ATF6: variants seen among roughly 807,000 people sequenced by gnomAD.
ATF6 encodes the protein activating transcription factor 6.
In ATF6, 53 loss-of-function variants were observed where a neutral mutation model predicts 83.6. The ratio of observed to expected loss-of-function variants is 0.63; its 90% CI spans 0.51 to 0.80. ATF6 has a LOEUF of 0.80. Among genes scored for constraint, ATF6 ranks in the 30% least tolerant of loss-of-function variants. ATF6 has a pLI of 0.00. For missense variants in ATF6, 744 were observed against 797.9 expected (o/e 0.93, Z 0.81); for synonymous variants, 288 against 285.8 (o/e 1.01, Z -0.08).
intron 9 of ATF6, among the ~76,000 whole-genome samples, chr1:161,825,976 T>A (rs1171588632): frequency 2.6e-5 from 4 of 152,146 alleles, no homozygotes; most frequent in Non-Finnish European, 5.9e-5. Flanking sequence ...CAAAAGATGC[T>A]CTTCTTACCC....
intron 15 of ATF6, among the ~76,000 whole-genome samples, chr1:161,938,854 C>T (rs1055036281): frequency 3.3e-5 from 5 of 152,178 alleles, no homozygotes; most frequent in Non-Finnish European, 7.4e-5. Flanking sequence ...TAAAACTTTT[C>T]ATTGCAGTGG....
At chr1:161,944,179 A>C (rs1688705107) in intron 15 of ATF6, among the ~76,000 whole-genome samples, 1 of 152,220 alleles carries the variant, frequency 6.6e-6, no homozygotes, top group African/African-American at 2.4e-5. Context: ...TTGTAAGTTA[A>C]GTTCTGAAAT....
chr1:161,779,113 G>C (rs759123421), intron 2 of ATF6, among the ~76,000 whole-genome samples: 4 of 152,170 alleles, frequency 2.6e-5, no homozygotes. Flanking sequence ...TGAAGGACAT[G>C]ATATATTTTA....
At chr1:161,868,727 G>A (rs1687063527) in intron 14 of ATF6, among the ~76,000 whole-genome samples, 3 of 151,016 alleles carry the variant, frequency 2.0e-5, no homozygotes, top group Admixed American at 2.0e-4. Context: ...AATATAAGCT[G>A]TGCTGAATGC....
intron 14 of ATF6, among the ~76,000 whole-genome samples, chr1:161,911,716 C>G (rs1351634582): frequency 6.6e-6 from 1 of 152,182 alleles, no homozygotes; most frequent in African/African-American, 2.4e-5. Flanking sequence ...TAGGCCTTGG[C>G]CCTGCTTCAG....
At chr1:161,809,670 A>C (rs1685404441) in intron 7 of ATF6, among the ~76,000 whole-genome samples, 1 of 152,322 alleles carries the variant, frequency 6.6e-6, no homozygotes, top group African/African-American at 2.4e-5. Flanking sequence ...ACAGTGTAAA[A>C]GTGTTCCTGT....
chr1:161,853,406 G>A (rs551744811), intron 12 of ATF6, 83 bp downstream of exon 12: 1 of 1,060,652 alleles, frequency 9.4e-7, no homozygotes, highest in African/African-American at 1.7e-5. Context: ...TTCCCTAGAA[G>A]GTTGGTAAAC....
intron 14 of ATF6, among the ~76,000 whole-genome samples, chr1:161,879,604 A>G (rs1176226191): frequency 2.6e-5 from 4 of 152,096 alleles, no homozygotes; most frequent in Non-Finnish European, 5.9e-5. Context: ...CAGCTAAGCT[A>G]AGACCTGCCT....
intron 12 of ATF6, among the ~76,000 whole-genome samples, chr1:161,856,846 A>C (rs1686777288): frequency 6.6e-6 from 1 of 152,232 alleles, no homozygotes; most frequent in South Asian, 2.1e-4. Context: ...ATTCCAATGC[A>C]AGAAAAAGAA....
At chr1:161,893,891 G>A (rs1465063463) in intron 14 of ATF6, among the ~76,000 whole-genome samples, 1 of 152,104 alleles carries the variant, frequency 6.6e-6, no homozygotes, top group East Asian at 1.9e-4. Flanking sequence ...ATGACAGATT[G>A]AAATAAATTT....
intron 1 of ATF6, among the ~76,000 whole-genome samples, chr1:161,773,341 G>A (rs1684439044): frequency 6.6e-6 from 1 of 151,980 alleles, no homozygotes; most frequent in Non-Finnish European, 1.5e-5. Flanking sequence ...GTTTCACCGT[G>A]TTAGCCGGGA....
At chr1:161,947,281 A>G (rs1014042741) in intron 15 of ATF6, among the ~76,000 whole-genome samples, 2 of 147,920 alleles carry the variant, frequency 1.4e-5, no homozygotes, top group African/African-American at 4.8e-5. Context: ...GAAAATTACT[A>G]AGTGGAAACA....
intron 15 of ATF6, among the ~76,000 whole-genome samples, chr1:161,920,852 G>A (rs188752527): frequency 2.9e-4 from 44 of 152,288 alleles, no homozygotes; most frequent in African/African-American, 9.4e-4. Flanking sequence ...CTCTGCTTAT[G>A]TCTTATTGAA....
chr1:161,871,061 A>G (rs1281177360), intron 14 of ATF6, among the ~76,000 whole-genome samples: 1 of 151,682 alleles, frequency 6.6e-6, no homozygotes, highest in Non-Finnish European at 1.5e-5. Context: ...GGCTCGGCAG[A>G]GTAAGTCCTA....
intron 14 of ATF6, among the ~76,000 whole-genome samples, chr1:161,893,048 CA>C (rs1368532778): frequency 6.6e-6 from 1 of 152,208 alleles, no homozygotes; most frequent in African/African-American, 2.4e-5. Flanking sequence ...TTTTAAAGTT[CA>C]GCATTTCCAG....
At chr1:161,920,409 C>T (rs534748037) in intron 15 of ATF6, among the ~76,000 whole-genome samples, 1 of 150,678 alleles carries the variant, frequency 6.6e-6, no homozygotes, top group South Asian at 2.1e-4. Flanking sequence ...ATTCTCCTGC[C>T]TCAGCCTCCC....
At chr1:161,884,948 C>A (rs76858554) in intron 14 of ATF6, among the ~76,000 whole-genome samples, 14,165 of 152,128 alleles carry the variant, frequency 0.093, 913 homozygotes, top group Non-Finnish European at 0.13. Context: ...GTACACTACT[C>A]TAAAAATCTA....
chr1:161,812,601 C>T (rs981074941), intron 7 of ATF6, among the ~76,000 whole-genome samples: 1 of 151,568 alleles, frequency 6.6e-6, no homozygotes, highest in Non-Finnish European at 1.5e-5. Context: ...CCGTTTTTAG[C>T]CGGGATGGTC....
chr1:161,770,211 A>G (rs1362134140), intron 1 of ATF6, among the ~76,000 whole-genome samples: 1 of 152,126 alleles, frequency 6.6e-6, no homozygotes, highest in Non-Finnish European at 1.5e-5. Flanking sequence ...TTCACTTAGC[A>G]ATATGCACTT....
Sources: allele counts gnomAD v4.1 joint callset (sites outside exome capture counted in the v4.1 genomes callset), GRCh38; gene constraint gnomAD v4.1.1; transcripts MANE v1.5; gene names NCBI Gene and HGNC (gene_info 2026-07-23, HGNC 2026-07-21).